The following COBLL1 variants were observed in gnomAD, a reference collection of about 807,000 sequenced individuals.
COBLL1 encodes cordon-bleu protein-like 1.
COBLL1 carries 50 observed loss-of-function variants against 94.8 expected under a neutral mutation model. The ratio of observed to expected loss-of-function variants is 0.53; its 90% CI spans 0.42 to 0.67. The LOEUF is 0.67. Ranked by LOEUF, COBLL1 falls within the 30% of genes least tolerant of loss-of-function variation. The pLI, the probability that COBLL1 is intolerant of heterozygous loss-of-function variation, is 0.00. For missense variants in COBLL1, 1,362 were observed against 1,348.7 expected (o/e 1.01, Z -0.15); for synonymous variants, 448 against 473.8 (o/e 0.95, Z 0.71).
chr2:164,743,449 A>G (rs1200704552), intron 3 of COBLL1: 2 of 390,544 alleles, frequency 5.1e-6, no homozygotes, highest in African/African-American at 4.1e-5. Flanking sequence ...CGAGATATGA[A>G]AGGGTTCCAA....
intron 7 of COBLL1, among the ~76,000 whole-genome samples, chr2:164,710,380 A>C (rs1383313725): frequency 2.0e-5 from 3 of 152,188 alleles, no homozygotes; most frequent in African/African-American, 7.2e-5. Flanking sequence ...GAATATACAT[A>C]TCTAACATGC....
intron 2 of COBLL1, among the ~76,000 whole-genome samples, chr2:164,787,533 T>C (rs355908): frequency 0.51 from 77,854 of 151,894 alleles, 21,758 homozygotes; most frequent in African/African-American, 0.74. Flanking sequence ...ATATATACAA[T>C]TTTTTTTGGC....
At chr2:164,773,713 T>C (rs1028215361) in intron 2 of COBLL1, 2 of 1,273,342 alleles carry the variant, frequency 1.6e-6, no homozygotes, top group East Asian at 5.6e-5. Flanking sequence ...TTACAACTGT[T>C]CCAGAAAGTC....
chr2:164,831,217 A>T (rs1683061558), intron 2 of COBLL1, among the ~76,000 whole-genome samples: 1 of 151,980 alleles, frequency 6.6e-6, no homozygotes, highest in Non-Finnish European at 1.5e-5. Context: ...AGCTACTCGG[A>T]AGGTTGAGAC....
intron 2 of COBLL1, among the ~76,000 whole-genome samples, chr2:164,835,151 CTTTCTA>C (rs1185625992): frequency 2.0e-5 from 3 of 152,084 alleles, no homozygotes; most frequent in Non-Finnish European, 2.9e-5. Flanking sequence ...ATGATCCAGA[CTTTCTA>C]TTTCTAACAA....
rs752592570 is a variant in COBLL1 at position 164,695,527 on chromosome 2, A to G, written c.1865T>C (p.Leu622Ser). Reference protein sequence around the residue: ...SFDGKHQDHNLSDSKVEECVQ... With the variant: ...SFDGKHQDHNSSDSKVEECVQ... ...ACATTCTTCAACTTTGGAGTCAGAT[A>G]AATTATGATCTTGGTGTTTCCCATC... is the stretch of plus-strand genomic sequence containing the variant. The change falls in exon 12 of 14, where the codon TTA becomes TCA. Residue 622 changes from leucine to serine, a missense_variant. Transcript: ENST00000652658. 57 of 1,613,872 alleles carry G rather than the reference A, an allele frequency of 3.5e-5. 1 individual carries two copies. The South Asian group carries it at 5.9e-4, about 17-fold the overall frequency.
At chr2:164,760,656 T>A (rs1687636739) in intron 2 of COBLL1, among the ~76,000 whole-genome samples, 1 of 152,122 alleles carries the variant, frequency 6.6e-6, no homozygotes, top group Non-Finnish European at 1.5e-5. Context: ...ATATATGATA[T>A]TATTATTGGG....
At position 164,692,294 on chromosome 2, in the gene COBLL1, G is replaced by C. The variant is rs760686875; in HGVS notation, c.3227C>G (p.Ser1076Cys). Residue 1076 changes from serine to cysteine, a missense_variant, in exon 13 of 14, where the codon TCT becomes TGT. By Grantham distance (112) the Ser-to-Cys change is moderately radical. Transcript: ENST00000652658. ...ACTCTGTCGCATCTGTTCTGGGTCA[G>C]AGCTTTGGAATGTTAAAGAACTTTG... ...MRQSSLTFQS[S>C]DPEQMRQSLL... The C allele has an allele frequency of 1.2e-6, 2 of 1,613,638 alleles. No homozygotes were observed. Among genetic ancestry groups the C allele is most frequent in the Non-Finnish European group, 8.5e-7 (1 of 1,179,682 alleles).
chr2:164,660,665 C>T (rs1271208093), intron 2 of COBLL1, among the ~76,000 whole-genome samples: 4 of 152,074 alleles, frequency 2.6e-5, no homozygotes, highest in Admixed American at 2.6e-4. Context: ...GGTACAGTTT[C>T]CTAATTGGTT....
Position 164,694,706 on chromosome 2 carries a change from G to C in COBLL1, c.2686C>G (p.Pro896Ala), listed in dbSNP as rs552863677. ...KSVHAAPNPA[P>A]KELTNKEAER... ...GCCTCTTTATTTGTCAGTTCTTTTGGAGCAGGATTAGGGGCAGCATGGACA... is the reference window on the plus strand; with the variant it reads ...GCCTCTTTATTTGTCAGTTCTTTTGCAGCAGGATTAGGGGCAGCATGGACA... The change falls in exon 12 of 14, where the codon CCA becomes GCA. Residue 896 changes from proline (P) to alanine (A), a missense_variant. By Grantham distance (27) the Pro-to-Ala change is conservative. Transcript: ENST00000652658. 8.1e-6 allele frequency: 13 copies of C among 1,613,742 alleles called. No individual in the cohort carries two copies. In the Admixed American group the frequency reaches 2.2e-4, roughly 27 times the overall value.
chr2:164,807,308 T>C (rs1312660934), intron 2 of COBLL1, among the ~76,000 whole-genome samples: 1 of 151,504 alleles, frequency 6.6e-6, no homozygotes, highest in Admixed American at 6.6e-5. Flanking sequence ...AAAAAATTAG[T>C]CAGGCACGGC....
At chr2:164,689,840 TCC>T (rs1683500048) in intron 13 of COBLL1, among the ~76,000 whole-genome samples, 1 of 152,136 alleles carries the variant, frequency 6.6e-6, no homozygotes, top group Admixed American at 6.6e-5. Flanking sequence ...CACCAACCCC[TCC>T]TTTTTTCCCT....
At chr2:164,668,403 G>T (rs1354405571) in intron 1 of COBLL1, among the ~76,000 whole-genome samples, 2 of 152,172 alleles carry the variant, frequency 1.3e-5, no homozygotes, top group Non-Finnish European at 2.9e-5. Context: ...TCAATATGTT[G>T]CGTCTCAGGA....
At chr2:164,660,793 C>A (rs2105382054) in intron 2 of COBLL1, among the ~76,000 whole-genome samples, 1 of 152,230 alleles carries the variant, frequency 6.6e-6, no homozygotes, top group African/African-American at 2.4e-5. Context: ...TTACATACAG[C>A]AATCATAGCT....
intron 2 of COBLL1, among the ~76,000 whole-genome samples, chr2:164,751,052 C>T (rs950163698): frequency 5.9e-5 from 9 of 152,114 alleles, no homozygotes; most frequent in Non-Finnish European, 8.8e-5. Flanking sequence ...TGCCCTCGGT[C>T]CAAAATGCTT....
At chr2:164,835,936 G>A (rs1242989978) in intron 2 of COBLL1, among the ~76,000 whole-genome samples, 1 of 152,046 alleles carries the variant, frequency 6.6e-6, no homozygotes, top group Non-Finnish European at 1.5e-5. Context: ...TAAGAGTTCA[G>A]GAGTTTTTGA....
At chr2:164,803,387 A>C (rs1037699007) in intron 2 of COBLL1, among the ~76,000 whole-genome samples, 2 of 151,508 alleles carry the variant, frequency 1.3e-5, no homozygotes, top group Non-Finnish European at 2.9e-5. Flanking sequence ...AAAACGGTGA[A>C]ACCCCGTCTC....
intron 2 of COBLL1, among the ~76,000 whole-genome samples, chr2:164,753,984 C>T (rs771045975): frequency 1.3e-5 from 2 of 152,006 alleles, no homozygotes; most frequent in Non-Finnish European, 2.9e-5. Flanking sequence ...CCACTTGCCT[C>T]GGCCTCCTAA....
At chr2:164,807,952 T>G (rs1177455569) in intron 2 of COBLL1, among the ~76,000 whole-genome samples, 7 of 152,078 alleles carry the variant, frequency 4.6e-5, no homozygotes, top group Non-Finnish European at 5.9e-5. Flanking sequence ...CCCGAGTAGC[T>G]GGGACTACAG....
Sources: gnomAD v4.1 joint callset for allele counts (sites outside exome capture counted in the v4.1 genomes callset) on GRCh38, gnomAD v4.1.1 for gene constraint, MANE v1.5 for transcripts, NCBI Gene and HGNC (gene_info 2026-07-23, HGNC 2026-07-21) for gene names.